The following ZNF850 variants were observed in gnomAD, a reference collection of about 807,000 sequenced individuals.
ZNF850 encodes putative zinc finger protein ENSP00000330994.
A neutral mutation model predicts 11.9 loss-of-function variants in ZNF850; 2 were observed. The observed-to-expected ratio is 0.17, with a 90% confidence interval of 0.07 to 0.53. ZNF850 has a LOEUF of 0.53. Ranked by LOEUF, ZNF850 falls within the 20% of genes least tolerant of loss-of-function variation. ZNF850 has a pLI of 0.94. For missense variants in ZNF850, 1,014 were observed against 1,316.4 expected (o/e 0.77, Z 3.55); for synonymous variants, 381 against 443.0 (o/e 0.86, Z 1.76).
Position 36,767,540 on chromosome 19 carries a change from C to T in ZNF850, c.-69-4865G>A, listed in dbSNP as rs139506594. Among the ~76,000 whole-genome samples the T allele has an allele frequency of 2.5e-3, 377 of 149,432 alleles. 10 individuals are homozygous for T. The highest frequency in any genetic ancestry group is 0.021 in the Admixed American group (311 of 15,008). ...CCATTGCACTCCAGCCTGGGCAACA[C>T]GAGTGAAACTCTATCTCAAAAAAAA... On this transcript the variant is annotated intron_variant, in intron 1 of 4. Coordinates refer to ENST00000591344, the MANE Select transcript of ZNF850 (RefSeq NM_001193552.2).
rs565649036 is a variant in ZNF850 at position 36,747,578 on chromosome 19, G to A, written c.*189C>T. The A allele has an allele frequency of 6.5e-4, 330 of 507,548 alleles. 2 individuals carry two copies. Among genetic ancestry groups the A allele is most frequent in the African/African-American group, 4.1e-3 (212 of 52,124 alleles). 31.4% of individuals were successfully genotyped at this position (507,548 alleles called of 1,614,324 possible). A position where few individuals can be genotyped will look rare whatever the true frequency, so the allele number is the denominator to read the frequency against. On this transcript the variant is annotated 3_prime_UTR_variant, in exon 5 of 5. Transcript: ENST00000591344. ...ATGAACCCAGGAGGCAGAGCTTGCA[G>A]TGAGCCGAGATAGCGCCACTGCACT...
intron 4 of ZNF850, among the ~76,000 whole-genome samples, chr19:36,751,150 C>T (rs1324845204): frequency 6.7e-6 from 1 of 149,128 alleles, no homozygotes; most frequent in Non-Finnish European, 1.5e-5. Context: ...GTGATGAGAA[C>T]AGTATTTTAT....
rs773447080 is a variant in ZNF850, at chr19:36,748,970, T to C, written c.2070A>G (p.Gln690=). ...TCTCACCAGTATGAATTCTCCGATG[T>C]TGATTAAGGTATGTACGCTGTCTAA... ...KAFRQRTYLN[Q]HRRIHTGEKP... The change falls in exon 5 of 5, where the codon CAA becomes CAG. Residue 690 remains glutamine, a synonymous_variant. Transcript: ENST00000591344. 1.9e-6 allele frequency: 3 copies of C among 1,599,622 alleles called. No homozygotes were observed. The African/African-American group carries it at 4.0e-5, about 21-fold the overall frequency.
rs925018147 is a variant in ZNF850 at position 36,747,771 on chromosome 19, G to A, written c.3269C>T (p.Thr1090Ile). 24 of 1,506,000 alleles carry A rather than the reference G, an allele frequency of 1.6e-5. No homozygotes were observed. Among genetic ancestry groups the A allele is most frequent in the Non-Finnish European group, 2.1e-5 (24 of 1,130,680 alleles). The allele number at this position is 1,506,000 out of a possible 1,614,324, so 93.3% of individuals were successfully genotyped here. A position where few individuals can be genotyped will look rare whatever the true frequency, so the allele number is the denominator to read the frequency against. The change falls in exon 5 of 5, where the codon ACA (threonine) becomes ATA (isoleucine). Residue 1090 changes from threonine to isoleucine, a missense_variant. By Grantham distance (89) the Thr-to-Ile change is moderately conservative. Coordinates refer to ENST00000591344, the MANE Select transcript of ZNF850 (RefSeq NM_001193552.2). ...LTRHQRIHDL[T>I] is the part of the protein sequence containing the mutation. ...GAGAACAGTTTCCTACATTAATTAT[G>A]TTAGGTCATGAATTCTCTGATGTCG...
chr19:36,752,546 T>C (rs2040460051), intron 4 of ZNF850, among the ~76,000 whole-genome samples: 1 of 152,162 alleles, frequency 6.6e-6, no homozygotes, highest in African/African-American at 2.4e-5. Flanking sequence ...TACCTAGTAA[T>C]TTTTAGGGGA....
Position 36,749,643 on chromosome 19 carries a change from TGAA to T in ZNF850, c.1394_1396del (p.Leu465del). The T allele has an allele frequency of 6.5e-7, 1 of 1,549,982 alleles. No homozygotes were observed. The highest frequency in any genetic ancestry group is 8.7e-7 in the Non-Finnish European group (1 of 1,151,908). The stretch of plus-strand genomic sequence containing the variant: ...CTCACCAGTGTGAATCCGCTGATGT[TGAA>T]GTAGTGCTGAGCCCGAAGCAAAAGA... On this transcript the variant is annotated inframe_deletion, in exon 5 of 5. Transcript: ENST00000591344.
intron 4 of ZNF850, among the ~76,000 whole-genome samples, chr19:36,754,330 T>G (rs929470279): frequency 6.6e-6 from 1 of 151,940 alleles, no homozygotes; most frequent in African/African-American, 2.4e-5. Context: ...AGGCAAGTAT[T>G]CATGAATAGA....
intron 4 of ZNF850, among the ~76,000 whole-genome samples, chr19:36,758,159 A>G (rs1432611136): frequency 2.6e-5 from 4 of 152,158 alleles, no homozygotes; most frequent in Non-Finnish European, 1.5e-5. Context: ...ACCTTAAATG[A>G]CGACTCATGC....
In ZNF850 at chr19:36,744,256, T is replaced by C. The variant is rs1415806092; in HGVS notation, c.*3511A>G. On this transcript the variant is annotated 3_prime_UTR_variant, in exon 5 of 5. Coordinates refer to ENST00000591344, the MANE Select transcript of ZNF850 (RefSeq NM_001193552.2). ...TATACAGGTGATCTTTCTGTCTTCA[T>C]TGTGCTTTTCTCTGCTCTTTAAAAA... is the stretch of plus-strand genomic sequence containing the variant. The C allele has an allele frequency of 6.6e-6, 1 of 152,138 alleles. No homozygotes were observed. The highest frequency in any genetic ancestry group is 2.1e-4 in the South Asian group (1 of 4,830). The allele number at this position is 152,138 out of a possible 1,614,324, so 9.4% of individuals were successfully genotyped here.
intron 4 of ZNF850, among the ~76,000 whole-genome samples, chr19:36,760,991 T>A (rs76980141): frequency 0.053 from 8,070 of 151,622 alleles, 316 homozygotes; most frequent in East Asian, 0.18. Context: ...GAAAAAAAAA[T>A]TTTTTAAAGC....
chr19:36,748,335 C>T lies in ZNF850; in HGVS notation c.2705G>A (p.Cys902Tyr). The T allele has an allele frequency of 6.3e-7, 1 of 1,594,098 alleles. No homozygotes were observed. The change falls in exon 5 of 5, where the codon TGT becomes TAT. Residue 902 changes from cysteine (C) to tyrosine (Y), a missense_variant. Physicochemically the swap from Cys to Tyr is radical, Grantham distance 194 (BLOSUM62 -2). Transcript: ENST00000591344. Reference protein sequence around the residue: ...TGEKPYDCKECGKAFRRRSKL... With the variant: ...TGEKPYDCKEYGKAFRRRSKL... The stretch of plus-strand genomic sequence containing the variant: ...TGAACGACGTCTAAAGGCCTTGCCA[C>T]ATTCCTTACAATCATAGGGTTTCTC...
intron 1 of ZNF850, among the ~76,000 whole-genome samples, chr19:36,770,234 C>T (rs2040572910): frequency 6.6e-6 from 1 of 152,196 alleles, no homozygotes; most frequent in Admixed American, 6.5e-5. Flanking sequence ...GGCTTCATTA[C>T]ATAGGCATGA....
chr19:36,767,008 G>A (rs1436971805), intron 1 of ZNF850, among the ~76,000 whole-genome samples: 2 of 152,196 alleles, frequency 1.3e-5, no homozygotes, highest in Admixed American at 6.5e-5. Context: ...AGGCCAAGGT[G>A]GGTGGATCAC....
rs28531372 is a variant in ZNF850, at chr19:36,767,120, C to T, written c.-69-4445G>A. Among the ~76,000 whole-genome samples, 447 of 152,062 alleles carry T rather than the reference C, an allele frequency of 2.9e-3. 2 individuals carry two copies. The highest frequency in any genetic ancestry group is 0.01 in the African/African-American group (423 of 41,462). ...GGCGTGGTGGCAGGTGCCTGTAATC[C>T]CAGCTACTCGGGAGGCAGAGGCAGG... On this transcript the variant is annotated intron_variant, in intron 1 of 4. Coordinates refer to ENST00000591344, the MANE Select transcript of ZNF850 (RefSeq NM_001193552.2).
chr19:36,770,412 C>T (rs2040573702), intron 1 of ZNF850, among the ~76,000 whole-genome samples: 1 of 152,088 alleles, frequency 6.6e-6, no homozygotes, highest in African/African-American at 2.4e-5. Flanking sequence ...ATACAAAAAG[C>T]CAAAGGCTGG....
chr19:36,769,279 AGAAAGAAAGAAAGAAAG>A (rs2040567547), intron 1 of ZNF850, among the ~76,000 whole-genome samples: 1 of 80,666 alleles, frequency 1.2e-5, no homozygotes, highest in African/African-American at 4.6e-5. Context: ...AAAAAAAAAA[AGAAAGAAAGAAAGAAAG>A]AAAGAAAGAA....
intron 1 of ZNF850, among the ~76,000 whole-genome samples, chr19:36,763,318 A>T (rs1050491649): frequency 6.6e-6 from 1 of 152,154 alleles, no homozygotes; most frequent in Non-Finnish European, 1.5e-5. Flanking sequence ...AGGCGGATGG[A>T]TCACCTGAGG....
Position 36,746,405 on chromosome 19 carries a change from G to A in ZNF850, c.*1362C>T, listed in dbSNP as rs2040411775. ...AATTGATAAACACTGTGTGTGTTCT[G>A]ACTGCTCCACTGACTGGCTCACTGC... On this transcript the variant is annotated 3_prime_UTR_variant, in exon 5 of 5. Coordinates refer to ENST00000591344, the MANE Select transcript of ZNF850 (RefSeq NM_001193552.2). The A allele has an allele frequency of 6.6e-6, 1 of 152,230 alleles. No homozygotes were observed. The highest frequency in any genetic ancestry group is 2.4e-5 in the African/African-American group (1 of 41,436). The allele number at this position is 152,230 out of a possible 1,614,324, so 9.4% of individuals were successfully genotyped here. A position where few individuals can be genotyped will look rare whatever the true frequency, so the allele number is the denominator to read the frequency against.
chr19:36,758,141 A>C lies in ZNF850; in HGVS notation c.235+3502T>G, dbSNP rs75641388. 4.3e-3 allele frequency among the ~76,000 whole-genome samples: 654 copies of C among 152,338 alleles called. 2 individuals are homozygous for C. Among genetic ancestry groups the C allele is most frequent in the Middle Eastern group, 0.017 (5 of 294 alleles). ...CCTTTGTGTTGTCCCTTCACATAAA[A>C]AACTAAAACCTTAAATGACGACTCA... On this transcript the variant is annotated intron_variant, in intron 4 of 4. Transcript: ENST00000591344.
Sources: allele counts gnomAD v4.1 joint callset (sites outside exome capture counted in the v4.1 genomes callset), GRCh38; gene constraint gnomAD v4.1.1; transcripts MANE v1.5; gene names NCBI Gene and HGNC (gene_info 2026-07-23, HGNC 2026-07-21).